CNIH3: variants seen among roughly 807,000 people sequenced by gnomAD.
The protein encoded by CNIH3 is cornichon family AMPA receptor auxiliary protein 3.
In CNIH3, 14 loss-of-function variants were observed where a neutral mutation model predicts 24.1. That is an observed-to-expected ratio of 0.58 (90% CI 0.38 to 0.91). CNIH3 has a LOEUF of 0.91. CNIH3 is among the 40% of genes least tolerant of loss of function. The probability of loss-of-function intolerance (pLI) is 0.00; values close to 1 mark genes in which losing one functional copy is unlikely to be tolerated. For missense variants in CNIH3, 178 were observed against 196.8 expected (o/e 0.90, Z 0.57); for synonymous variants, 68 against 73.8 (o/e 0.92, Z 0.40).
intron 1 of CNIH3, among the ~76,000 whole-genome samples, chr1:224,631,308 T>C (rs986507474): frequency 3.3e-5 from 5 of 152,096 alleles, no homozygotes; most frequent in African/African-American, 9.7e-5. Flanking sequence ...CCACCTAGCG[T>C]TCCTCTCCAT....
chr1:224,721,062 T>C (rs2125223204), intron 3 of CNIH3, among the ~76,000 whole-genome samples: 1 of 152,244 alleles, frequency 6.6e-6, no homozygotes, highest in African/African-American at 2.4e-5. Flanking sequence ...TTCTCTCCTT[T>C]CCTCCTGCGT....
intron 1 of CNIH3, among the ~76,000 whole-genome samples, chr1:224,499,428 C>G (rs80132952): frequency 6.6e-6 from 1 of 152,094 alleles, no homozygotes; most frequent in Non-Finnish European, 1.5e-5. Context: ...CTTTACCAGC[C>G]GAGACTCATG....
At chr1:224,662,439 A>T (rs909078564) in intron 1 of CNIH3, among the ~76,000 whole-genome samples, 4 of 149,304 alleles carry the variant, frequency 2.7e-5, no homozygotes, top group African/African-American at 9.8e-5. Context: ...TCTTACTTAT[A>T]AAAAAAAATC....
rs185587833 is a variant in CNIH3 at position 224,703,421 on chromosome 1, A to G, written c.198+18578A>G. 1.4e-3 allele frequency among the ~76,000 whole-genome samples: 208 copies of G among 152,282 alleles called. No individual in the cohort carries two copies. The highest frequency in any genetic ancestry group is 1.3e-3 in the Non-Finnish European group (89 of 68,016). On this transcript the variant is annotated intron_variant, in intron 3 of 5. Transcript: ENST00000272133. The surrounding 1 kb of genome is among the most constrained non-coding windows in gnomAD (Gnocchi z 4.2). ...TGATGCCCAGAATTCATCCCAAACC[A>G]ATTAAGTCATAATCTCTGGGGTGAG...
Position 224,703,219 on chromosome 1 carries a change from C to T in CNIH3, c.198+18376C>T, listed in dbSNP as rs1311421001. Among the ~76,000 whole-genome samples the T allele has an allele frequency of 6.6e-6, 1 of 152,172 alleles. No individual in the cohort carries two copies. The highest frequency in any genetic ancestry group is 1.5e-5 in the Non-Finnish European group (1 of 68,038). ...AGGAGCCAGTGACCTAGTGTCTGTG[C>T]ATCCCACGTGGGCCTGCACTCATGA... On this transcript the variant is annotated intron_variant, in intron 3 of 5. Transcript: ENST00000272133. This position sits in a 1 kb window ranked among gnomAD's most constrained non-coding sequence, Gnocchi z 4.2.
chr1:224,588,921 T>C (rs1373400289), downstream of CNIH3, among the ~76,000 whole-genome samples: 1 of 149,332 alleles, frequency 6.7e-6, no homozygotes, highest in Non-Finnish European at 1.5e-5. Context: ...CTGGAGGTGA[T>C]TAGCATTAAG....
intron 2 of CNIH3, among the ~76,000 whole-genome samples, chr1:224,523,833 G>C (rs1290359975): frequency 6.6e-6 from 1 of 152,142 alleles, no homozygotes; most frequent in Non-Finnish European, 1.5e-5. Context: ...CACATTAGTA[G>C]GGCCTCCCCA....
chr1:224,648,612 G>A (rs1684728824), intron 1 of CNIH3, among the ~76,000 whole-genome samples: 1 of 152,078 alleles, frequency 6.6e-6, no homozygotes, highest in Admixed American at 6.6e-5. Context: ...TTGGGCTTGG[G>A]GAGTTTGCAT....
chr1:224,598,225 G>T (rs537162613), intron 3 of CNIH3, among the ~76,000 whole-genome samples: 1 of 152,282 alleles, frequency 6.6e-6, no homozygotes, highest in East Asian at 1.9e-4. Context: ...TTCAGTGGAG[G>T]AATTGACTGC....
chr1:224,475,066 A>G (rs1304326132), intron 1 of CNIH3, among the ~76,000 whole-genome samples: 1 of 149,394 alleles, frequency 6.7e-6, no homozygotes, highest in African/African-American at 2.5e-5. Context: ...AAAAAAAAAA[A>G]AGAAAATCAG....
At chr1:224,712,957 CAGA>C (rs1338396673) in intron 3 of CNIH3, among the ~76,000 whole-genome samples, 1 of 152,210 alleles carries the variant, frequency 6.6e-6, no homozygotes, top group African/African-American at 2.4e-5. Flanking sequence ...CCAAATGTCT[CAGA>C]TTTTCTGGCT....
intron 1 of CNIH3, among the ~76,000 whole-genome samples, chr1:224,673,250 AC>A (rs1685958650): frequency 1.3e-5 from 2 of 152,152 alleles, no homozygotes; most frequent in Non-Finnish European, 2.9e-5. Flanking sequence ...CCTGCAAGTC[AC>A]ATAAGGGCCG....
intron 1 of CNIH3, among the ~76,000 whole-genome samples, chr1:224,494,958 C>T (rs150040182): frequency 5.3e-5 from 8 of 152,310 alleles, no homozygotes; most frequent in East Asian, 1.9e-4. Context: ...TCAGGGGCTG[C>T]GCCTGAGCCC....
intron 4 of CNIH3, 139 bp downstream of exon 4, chr1:224,730,713 T>G (rs1303925488): frequency 6.6e-6 from 4 of 604,236 alleles, no homozygotes; most frequent in African/African-American, 3.7e-5. Context: ...CTTTAAAGCC[T>G]GTTCCCAAAC....
At chr1:224,673,949 A>G (rs905842073) in intron 1 of CNIH3, among the ~76,000 whole-genome samples, 2 of 152,222 alleles carry the variant, frequency 1.3e-5, no homozygotes, top group African/African-American at 4.8e-5. Flanking sequence ...TCCCTCATTC[A>G]TCATGCAAGG....
At chr1:224,682,349 G>C (rs1202685908) in intron 2 of CNIH3, among the ~76,000 whole-genome samples, 2 of 152,174 alleles carry the variant, frequency 1.3e-5, no homozygotes, top group African/African-American at 2.4e-5. Flanking sequence ...GCTAGGACTT[G>C]AACCCAGGCT....
chr1:224,692,993 C>A (rs1687003779), intron 3 of CNIH3, among the ~76,000 whole-genome samples: 1 of 152,164 alleles, frequency 6.6e-6, no homozygotes, highest in Non-Finnish European at 1.5e-5. Flanking sequence ...GGCTCTTTTT[C>A]TAATTTCATT....
At chr1:224,631,956 T>C (rs969869266) in intron 1 of CNIH3, among the ~76,000 whole-genome samples, 1 of 152,140 alleles carries the variant, frequency 6.6e-6, no homozygotes, top group African/African-American at 2.4e-5. Context: ...TTAAAAAAAA[T>C]TTAACTGTGT....
chr1:224,440,281 G>C (rs963787748), intron 1 of CNIH3, among the ~76,000 whole-genome samples: 3 of 152,176 alleles, frequency 2.0e-5, no homozygotes, highest in African/African-American at 7.2e-5. Flanking sequence ...CCAGGCTGGA[G>C]TACAGTGGTG....
Sources: allele counts gnomAD v4.1 joint callset (sites outside exome capture counted in the v4.1 genomes callset), GRCh38; gene constraint gnomAD v4.1.1; non-coding constraint Gnocchi (gnomAD v3.1); transcripts MANE v1.5; gene names NCBI Gene and HGNC (gene_info 2026-07-23, HGNC 2026-07-21).